The following LYPLAL1 variants were observed in gnomAD, a reference collection of about 807,000 sequenced individuals.
LYPLAL1 encodes the protein lysophospholipase-like protein 1.
LYPLAL1 carries 23 observed loss-of-function variants against 19.7 expected under a neutral mutation model. The observed-to-expected ratio is 1.17, with a 90% CI of 0.84 to 1.65. The LOEUF (loss-of-function observed/expected upper bound fraction) is 1.65, where lower values mean the gene tolerates loss of function less well. LYPLAL1 is among the 40% of genes most tolerant of loss of function. The pLI is 0.00. For synonymous variants in LYPLAL1, 119 were observed against 96.3 expected (o/e 1.24, Z -1.38); for missense variants, 355 against 279.4 (o/e 1.27, Z -1.93).
At chr1:219,405,910 G>T in the LYPLAL1 span, among the ~76,000 whole-genome samples, 5 of 152,172 alleles carry the variant, frequency 3.3e-5, no homozygotes, top group African/African-American at 9.7e-5. Flanking sequence ...GGCCACACTT[G>T]AGGTAGTCAG....
chr1:219,201,054 T>G (rs1217279695), intron 3 of LYPLAL1, among the ~76,000 whole-genome samples: 2 of 152,228 alleles, frequency 1.3e-5, no homozygotes, highest in Non-Finnish European at 2.9e-5. Flanking sequence ...GTGTACCAGT[T>G]GATACTTCCA....
the LYPLAL1 span, among the ~76,000 whole-genome samples, chr1:219,232,798 C>G: frequency 6.6e-6 from 1 of 151,520 alleles, no homozygotes; most frequent in African/African-American, 2.4e-5. Context: ...AACATGCCTA[C>G]TCATTAGGGA....
chr1:219,362,713 T>C, the LYPLAL1 span, among the ~76,000 whole-genome samples: 15 of 152,090 alleles, frequency 9.9e-5, no homozygotes, highest in African/African-American at 3.4e-4. Flanking sequence ...AAAAGTGATA[T>C]AGTGTAAGAC....
chr1:219,247,155 T>C, the LYPLAL1 span, among the ~76,000 whole-genome samples: 2 of 152,194 alleles, frequency 1.3e-5, no homozygotes, highest in East Asian at 3.9e-4. Flanking sequence ...TGTTAGCAAT[T>C]ATAACTACTT....
chr1:219,399,864 A>G, the LYPLAL1 span, among the ~76,000 whole-genome samples: 4 of 152,152 alleles, frequency 2.6e-5, no homozygotes, highest in Non-Finnish European at 5.9e-5. Context: ...AGTTAAGCCC[A>G]GGGGTTTGGC....
At chr1:219,261,546 G>A in the LYPLAL1 span, among the ~76,000 whole-genome samples, 2 of 152,278 alleles carry the variant, frequency 1.3e-5, no homozygotes, top group South Asian at 4.1e-4. Context: ...AACCTTTCTT[G>A]TAGTGCTGGC....
the LYPLAL1 span, among the ~76,000 whole-genome samples, chr1:219,263,916 C>T: frequency 7.2e-5 from 11 of 152,174 alleles, no homozygotes; most frequent in South Asian, 2.1e-4. Context: ...CCACTTCTTC[C>T]GCAGGATCTG....
chr1:219,374,975 C>A, the LYPLAL1 span, among the ~76,000 whole-genome samples: 4 of 152,174 alleles, frequency 2.6e-5, no homozygotes, highest in Non-Finnish European at 5.9e-5. Flanking sequence ...CAGCAGCATA[C>A]AATTAAACCT....
At chr1:219,363,195 G>C in the LYPLAL1 span, among the ~76,000 whole-genome samples, 39 of 152,096 alleles carry the variant, frequency 2.6e-4, no homozygotes, top group Non-Finnish European at 5.3e-4. Flanking sequence ...TAATCTTCCA[G>C]GTCACTGAAA....
chr1:219,360,863 C>G, the LYPLAL1 span, among the ~76,000 whole-genome samples: 5 of 152,144 alleles, frequency 3.3e-5, no homozygotes, highest in African/African-American at 1.2e-4. Context: ...GTGGACTTCT[C>G]TACTGGAGAA....
chr1:219,212,915 G>C (rs902171504), downstream of LYPLAL1: 1 of 152,038 alleles, frequency 6.6e-6, no homozygotes, highest in Admixed American at 6.6e-5. Flanking sequence ...AGTAGGAGTA[G>C]AATGGCTGGG....
the LYPLAL1 span, among the ~76,000 whole-genome samples, chr1:219,405,422 A>G: frequency 2.0e-5 from 3 of 152,330 alleles, no homozygotes; most frequent in Admixed American, 6.5e-5. Flanking sequence ...TTCAAGAATA[A>G]TCTATCTTAG....
the LYPLAL1 span, among the ~76,000 whole-genome samples, chr1:219,297,462 G>A: frequency 6.6e-6 from 1 of 152,170 alleles, no homozygotes; most frequent in African/African-American, 2.4e-5. Flanking sequence ...TGGTTTTGAT[G>A]CTGTGTCTGT....
rs114800978 is a variant in LYPLAL1, at chr1:219,175,931, T to C, written c.91+1950T>C. 7.0e-3 allele frequency among the ~76,000 whole-genome samples: 1,065 copies of C among 152,328 alleles called. 11 individuals are homozygous for C. Among genetic ancestry groups the C allele is most frequent in the African/African-American group, 0.022 (930 of 41,562 alleles). ...TACTGTTAACCAGTTTTAACACTTT[T>C]ACTATGGAATAAAGTACTAGCTTTT... On this transcript the variant is annotated intron_variant, in intron 1 of 4. Transcript: ENST00000366928.
the LYPLAL1 span, among the ~76,000 whole-genome samples, chr1:219,343,632 T>C: frequency 2.6e-5 from 4 of 152,198 alleles, no homozygotes; most frequent in Non-Finnish European, 4.4e-5. Flanking sequence ...TAGACCTCCA[T>C]GGCTCAAAAT....
chr1:219,385,735 GA>G, the LYPLAL1 span, among the ~76,000 whole-genome samples: 5 of 152,108 alleles, frequency 3.3e-5, no homozygotes, highest in African/African-American at 1.2e-4. Flanking sequence ...AAGAAATAAA[GA>G]TAAACAGAGT....
the LYPLAL1 span, among the ~76,000 whole-genome samples, chr1:219,301,438 A>C: frequency 6.6e-6 from 1 of 152,210 alleles, no homozygotes; most frequent in Admixed American, 6.5e-5. Flanking sequence ...ATTGTACTAG[A>C]ATAAAAGGAA....
At chr1:219,338,850 C>G in the LYPLAL1 span, among the ~76,000 whole-genome samples, 3 of 151,640 alleles carry the variant, frequency 2.0e-5, no homozygotes, top group East Asian at 3.9e-4. Context: ...TAAGTGCCAT[C>G]ATGGACATAA....
the LYPLAL1 span, among the ~76,000 whole-genome samples, chr1:219,399,179 C>G: frequency 6.6e-6 from 1 of 152,096 alleles, no homozygotes; most frequent in Non-Finnish European, 1.5e-5. Flanking sequence ...GGCGGGGGGG[C>G]CTCCCAGTGA....
Sources: allele counts gnomAD v4.1 joint callset (sites outside exome capture counted in the v4.1 genomes callset), GRCh38; gene constraint gnomAD v4.1.1; transcripts MANE v1.5; gene names NCBI Gene and HGNC (gene_info 2026-07-23, HGNC 2026-07-21).